ALKBH1: variants seen among roughly 807,000 people sequenced by gnomAD.
The protein encoded by ALKBH1 is nucleic acid dioxygenase ALKBH1.
Under a neutral mutation model 36.6 loss-of-function variants are expected in ALKBH1, and 31 were observed. The observed-to-expected ratio is 0.85, with a 90% CI of 0.64 to 1.14. ALKBH1 has a LOEUF of 1.14. Ranked by LOEUF, ALKBH1 falls within the 50% of genes most tolerant of loss-of-function variation. The pLI is 0.00. For synonymous variants in ALKBH1, 183 were observed against 186.6 expected, an observed-to-expected ratio of 0.98 and a Z score of 0.16; for missense variants, 490 against 497.3, an observed-to-expected ratio of 0.99 and a Z score of 0.14.
intron 3 of ALKBH1, among the ~76,000 whole-genome samples, chr14:77,680,312 T>C (rs188067935): frequency 5.7e-4 from 87 of 152,312 alleles, no homozygotes; most frequent in African/African-American, 2.0e-3. Context: ...AAGAGCACTA[T>C]GGGCAATCAA....
intron 4 of ALKBH1, among the ~76,000 whole-genome samples, chr14:77,679,632 C>T (rs1456594409): frequency 1.3e-5 from 2 of 152,028 alleles, no homozygotes; most frequent in South Asian, 2.1e-4. Context: ...GGTTGTGCCA[C>T]GTTGCCCAGG....
At chr14:77,693,931 G>A (rs1216344167) in intron 3 of ALKBH1, among the ~76,000 whole-genome samples, 1 of 152,124 alleles carries the variant, frequency 6.6e-6, no homozygotes, top group Non-Finnish European at 1.5e-5. Flanking sequence ...AGGTTGCAGT[G>A]AGCTGAGATC....
At chr14:77,695,905 G>C (rs530417296) in intron 2 of ALKBH1, among the ~76,000 whole-genome samples, 1 of 151,996 alleles carries the variant, frequency 6.6e-6, no homozygotes, top group Non-Finnish European at 1.5e-5. Context: ...GACCAGCCTC[G>C]CCAACATGGT....
At chr14:77,675,632 C>T in intron 5 of ALKBH1, 24 bp downstream of exon 5, 1 of 1,569,926 alleles carries the variant, frequency 6.4e-7, no homozygotes. Flanking sequence ...AAAAAGTAAT[C>T]CCAAATCCCT....
At chr14:77,705,498 T>C (rs1461204105) in intron 1 of ALKBH1, among the ~76,000 whole-genome samples, 1 of 151,750 alleles carries the variant, frequency 6.6e-6, no homozygotes, top group Non-Finnish European at 1.5e-5. Flanking sequence ...GGGAATCCTG[T>C]CTGCTAAAAG....
intron 3 of ALKBH1, among the ~76,000 whole-genome samples, chr14:77,680,499 CTTT>C (rs1426866159): frequency 1.3e-5 from 2 of 152,082 alleles, no homozygotes; most frequent in African/African-American, 2.4e-5. Context: ...AACATGACTT[CTTT>C]AACTCTGTAT....
At chr14:77,686,370 G>T (rs2080268261) in intron 3 of ALKBH1, among the ~76,000 whole-genome samples, 1 of 152,160 alleles carries the variant, frequency 6.6e-6, no homozygotes. Context: ...AAGAATGCAG[G>T]AAATACGTTG....
At chr14:77,701,169 T>C (rs2080357402) in intron 2 of ALKBH1, among the ~76,000 whole-genome samples, 1 of 152,158 alleles carries the variant, frequency 6.6e-6, no homozygotes, top group Admixed American at 6.5e-5. Flanking sequence ...TCTGCCTCTC[T>C]ATAATTTTCA....
chr14:77,676,281 T>G (rs1174222729), intron 4 of ALKBH1, among the ~76,000 whole-genome samples: 2 of 152,004 alleles, frequency 1.3e-5, no homozygotes, highest in Non-Finnish European at 2.9e-5. Flanking sequence ...CTGTGCCCGG[T>G]CTATCCATCC....
At chr14:77,682,398 C>T (rs936709206) in intron 3 of ALKBH1, among the ~76,000 whole-genome samples, 8 of 152,044 alleles carry the variant, frequency 5.3e-5, no homozygotes, top group African/African-American at 1.7e-4. Flanking sequence ...GAAATATAAA[C>T]GTAGTTCCAG....
At chr14:77,688,656 G>A (rs190030868) in intron 3 of ALKBH1, among the ~76,000 whole-genome samples, 158 of 151,156 alleles carry the variant, frequency 1.0e-3, no homozygotes, top group Admixed American at 2.6e-3. Context: ...GGGTTCAAGC[G>A]ATTCTCCCAC....
chr14:77,688,240 T>G (rs886246859), intron 3 of ALKBH1, among the ~76,000 whole-genome samples: 7 of 108,998 alleles, frequency 6.4e-5, no homozygotes, highest in Non-Finnish European at 1.3e-4. Flanking sequence ...TGGATTAAAC[T>G]AAATTTTTTT....
intron 4 of ALKBH1, among the ~76,000 whole-genome samples, chr14:77,676,856 GGTCAA>G (rs1375817252): frequency 6.6e-6 from 1 of 152,104 alleles, no homozygotes; most frequent in Non-Finnish European, 1.5e-5. Flanking sequence ...CAATTTGACT[GGTCAA>G]TCTGATGGGA....
chr14:77,704,549 CAA>C, intron 1 of ALKBH1, 72 bp from the exon 2 acceptor site: 1 of 1,200,754 alleles, frequency 8.3e-7, no homozygotes, highest in Admixed American at 1.7e-5. Flanking sequence ...CTCAAACCTC[CAA>C]ACACATTTCT....
In ALKBH1 at chr14:77,676,062, T is replaced by C. The variant is rs139884884; in HGVS notation, c.547-213A>G. On this transcript the variant is annotated intron_variant, in intron 4 of 5. Coordinates refer to ENST00000216489, the MANE Select transcript of ALKBH1 (RefSeq NM_006020.3). ...CCCAGGCTAAAGTCCAGTGGTGTGA[T>C]CATGGCTCACTGTAGCCTAGACCTC... 2.6e-5 allele frequency among the ~76,000 whole-genome samples: 4 copies of C among 151,444 alleles called. No individual in the cohort carries two copies. In the East Asian group the frequency reaches 7.7e-4, roughly 29 times the overall value.
intron 2 of ALKBH1, among the ~76,000 whole-genome samples, chr14:77,700,678 T>C (rs1365134240): frequency 6.6e-6 from 1 of 152,154 alleles, no homozygotes; most frequent in Non-Finnish European, 1.5e-5. Flanking sequence ...CCCAAACATA[T>C]TAGACTAAAG....
At chr14:77,686,958 C>A (rs1477916005) in intron 3 of ALKBH1, among the ~76,000 whole-genome samples, 2 of 151,920 alleles carry the variant, frequency 1.3e-5, no homozygotes, top group Non-Finnish European at 2.9e-5. Context: ...TTCCAGTTTT[C>A]TCTCTCCCTT....
At chr14:77,676,304 T>C (rs1170927616) in intron 4 of ALKBH1, among the ~76,000 whole-genome samples, 1 of 152,144 alleles carries the variant, frequency 6.6e-6, no homozygotes, top group Admixed American at 6.5e-5. Flanking sequence ...TCTTGGGGTA[T>C]CTAATGATCT....
At chr14:77,706,835 C>A (rs571225739) in intron 1 of ALKBH1, among the ~76,000 whole-genome samples, 1 of 152,078 alleles carries the variant, frequency 6.6e-6, no homozygotes, top group Non-Finnish European at 1.5e-5. Flanking sequence ...AAGCTGAGCT[C>A]AAGTATGCAA....
Sources: gnomAD v4.1 joint callset for allele counts (sites outside exome capture counted in the v4.1 genomes callset) on GRCh38, gnomAD v4.1.1 for gene constraint, MANE v1.5 for transcripts, NCBI Gene and HGNC (gene_info 2026-07-23, HGNC 2026-07-21) for gene names.